ADGRA2: variants seen among roughly 807,000 people sequenced by gnomAD.
ADGRA2 encodes the protein adhesion G protein-coupled receptor A2.
In ADGRA2, 61 loss-of-function variants were observed where a neutral mutation model predicts 98.7. The observed-to-expected ratio is 0.62, with a 90% CI of 0.50 to 0.76. The LOEUF (loss-of-function observed/expected upper bound fraction) is 0.76, where lower values mean the gene tolerates loss of function less well. Ranked by LOEUF, ADGRA2 falls within the 30% of genes least tolerant of loss-of-function variation. ADGRA2 has a pLI of 0.00. For missense variants in ADGRA2, 1,712 were observed against 1,860.0 expected (o/e 0.92, Z 1.46); for synonymous variants, 858 against 831.5 (o/e 1.03, Z -0.55).
chr8:37,840,414 T>A (rs1585409258), intron 17 of ADGRA2, 148 bp downstream of exon 17: 1 of 840,658 alleles, frequency 1.2e-6, no homozygotes, highest in African/African-American at 1.7e-5. Flanking sequence ...ACTCAGCAGG[T>A]CACACAAGAC....
chr8:37,827,544 C>T (rs963811142), intron 2 of ADGRA2, among the ~76,000 whole-genome samples: 3 of 152,236 alleles, frequency 2.0e-5, no homozygotes, highest in Non-Finnish European at 2.9e-5. Context: ...ACTTACCTGC[C>T]GCTCACTCCT....
intron 2 of ADGRA2, among the ~76,000 whole-genome samples, chr8:37,815,299 A>C (rs568753735): frequency 6.6e-6 from 1 of 152,320 alleles, no homozygotes; most frequent in East Asian, 1.9e-4. Flanking sequence ...CTGGGGGCCC[A>C]GCATAAAAGG....
intron 14 of ADGRA2, among the ~76,000 whole-genome samples, chr8:37,838,566 T>A (rs1377661109): frequency 6.6e-6 from 1 of 152,050 alleles, no homozygotes; most frequent in Non-Finnish European, 1.5e-5. Flanking sequence ...ACTAGATTCT[T>A]ACAAAGAAGA....
intron 2 of ADGRA2, among the ~76,000 whole-genome samples, chr8:37,822,245 C>T (rs916003460): frequency 2.0e-5 from 3 of 152,170 alleles, no homozygotes; most frequent in African/African-American, 7.2e-5. Context: ...TTCTAGTGAA[C>T]CCTGGAAGTC....
Position 37,839,034 on chromosome 8 carries a change from C to T in ADGRA2, c.2338C>T (p.Leu780=). 6.2e-7 allele frequency: 1 copy of T among 1,608,270 alleles called. No individual in the cohort carries two copies. The highest frequency in any genetic ancestry group is 1.3e-5 in the African/African-American group (1 of 74,996). Residue 780 remains leucine (L), a synonymous_variant, in exon 15 of 19, where the codon CTG becomes TTG. Transcript: ENST00000412232. ...HPVVYPCTAL[L]LLCLFATIIT... ...CGTGGTATACCCCTGCACGGCCTTGCTGCTGCTCTGCCTCTTCGCCACCAT... is the reference window on the plus strand; with the variant it reads ...CGTGGTATACCCCTGCACGGCCTTGTTGCTGCTCTGCCTCTTCGCCACCAT...
At chr8:37,805,998 T>C (rs910407747) in intron 1 of ADGRA2, among the ~76,000 whole-genome samples, 1 of 152,046 alleles carries the variant, frequency 6.6e-6, no homozygotes, top group African/African-American at 2.4e-5. Context: ...GAGACCTCCA[T>C]CACCACCTAC....
In ADGRA2 at chr8:37,829,952, C is replaced by T. The variant is rs368184891; in HGVS notation, c.656C>T (p.Ala219Val). 2.7e-5 allele frequency: 43 copies of T among 1,609,786 alleles called. No individual in the cohort carries two copies. Among genetic ancestry groups the T allele is most frequent in the South Asian group, 6.6e-5 (6 of 90,988 alleles). The change falls in exon 6 of 19, where the codon GCT (alanine) becomes GTT (valine). Residue 219 changes from alanine (A) to valine (V), a missense_variant. Ala to Val is a moderately conservative substitution (Grantham distance 64, BLOSUM62 0). Coordinates refer to ENST00000412232, the MANE Select transcript of ADGRA2 (RefSeq NM_032777.10). ...SLQLSEHTLC[A>V]YPSALHAQAL... ...CAGCTGTCGGAACACACGCTCTGTG[C>T]TTACCCCAGTGCCCTGCATGCTCAG...
In ADGRA2 at chr8:37,831,576, C is replaced by G. The variant is rs745729885; in HGVS notation, c.1086C>G (p.Arg362=). Residue 362 remains arginine (R), a synonymous_variant, in exon 8 of 19, where the codon CGC becomes CGG. Transcript: ENST00000412232. ...CCGCCGAGCGTGTTGCCAACAACCG[C>G]GGGGACTTCAGGTTTGGCCCACTCC... is the stretch of plus-strand genomic sequence containing the variant. ...YCPAERVANN[R]GDFRWPRTLA... 6.2e-7 allele frequency: 1 copy of G among 1,613,698 alleles called. No individual in the cohort carries two copies.
At chr8:37,840,908 C>G in intron 18 of ADGRA2, 59 bp downstream of exon 18, 2 of 1,030,094 alleles carry the variant, frequency 1.9e-6, no homozygotes, top group South Asian at 2.6e-5. Context: ...GCCTTCCACT[C>G]CACTGGCAGG....
intron 8 of ADGRA2, among the ~76,000 whole-genome samples, chr8:37,832,461 C>T (rs1247640631): frequency 6.6e-6 from 1 of 152,084 alleles, no homozygotes; most frequent in Non-Finnish European, 1.5e-5. Context: ...CTCCGCCTCC[C>T]AAGGAGCTGG....
At chr8:37,816,819 G>A (rs1804994008) in intron 2 of ADGRA2, among the ~76,000 whole-genome samples, 1 of 152,038 alleles carries the variant, frequency 6.6e-6, no homozygotes, top group African/African-American at 2.4e-5. Flanking sequence ...AGGAGGCTGA[G>A]GCAGGAGGAT....
At chr8:37,808,543 G>A (rs991607884) in intron 1 of ADGRA2, among the ~76,000 whole-genome samples, 2 of 150,668 alleles carry the variant, frequency 1.3e-5, no homozygotes, top group Non-Finnish European at 2.9e-5. Flanking sequence ...ACATTTTTCT[G>A]CCCATTGGAT....
intron 2 of ADGRA2, among the ~76,000 whole-genome samples, chr8:37,817,671 C>A (rs1420354978): frequency 6.6e-6 from 1 of 151,388 alleles, no homozygotes; most frequent in Non-Finnish European, 1.5e-5. Flanking sequence ...TGTGCCACTG[C>A]ACTCCAGCTT....
At position 37,841,449 on chromosome 8, in the gene ADGRA2, T is replaced by C. The variant is rs1247125445; in HGVS notation, c.3111T>C (p.Ala1037=). Residue 1037 remains alanine, a synonymous_variant, in exon 19 of 19, where the codon GCT becomes GCC. Transcript: ENST00000412232. The surrounding 1 kb of genome is among the most constrained non-coding windows in gnomAD (Gnocchi z 5.0). ...ACTTGGCCATGTGGGCCTGCGGGGC[T>C]CTGGCAGTGTCCCAGCGCTGGCTGC... is the stretch of plus-strand genomic sequence containing the variant. The part of the protein sequence containing the change: ...FLYLAMWACG[A]LAVSQRWLPR... 6.2e-7 allele frequency: 1 copy of C among 1,613,004 alleles called. No individual in the cohort carries two copies. Among genetic ancestry groups the C allele is most frequent in the East Asian group, 2.2e-5 (1 of 44,856 alleles).
chr8:37,841,910 G>A lies in ADGRA2; in HGVS notation c.3572G>A (p.Arg1191His), dbSNP rs938839761. 3.3e-6 allele frequency: 5 copies of A among 1,528,134 alleles called. No individual in the cohort carries two copies. In the South Asian group the frequency reaches 4.8e-5, roughly 15 times the overall value. The allele number at this position is 1,528,134 out of a possible 1,614,324, so 94.7% of individuals were successfully genotyped here. ...RAHKSRAKGH[R>H]AGEACGKNRL... Reference sequence around the variant, plus strand: ...CACAAGAGCCGGGCCAAGGGACACCGCGCGGGGGAGGCCTGCGGCAAGAAC... The same window carrying A: ...CACAAGAGCCGGGCCAAGGGACACCACGCGGGGGAGGCCTGCGGCAAGAAC... Residue 1191 changes from arginine (R) to histidine (H), a missense_variant, in exon 19 of 19, where the codon CGC (arginine) becomes CAC (histidine). Physicochemically the swap from Arg to His is conservative, Grantham distance 29 (BLOSUM62 0). Transcript: ENST00000412232. The surrounding 1 kb of genome is among the most constrained non-coding windows in gnomAD (Gnocchi z 5.0).
At chr8:37,836,776 A>G (rs1430664820) in intron 13 of ADGRA2, among the ~76,000 whole-genome samples, 1 of 152,036 alleles carries the variant, frequency 6.6e-6, no homozygotes, top group Non-Finnish European at 1.5e-5. Context: ...GCCTCCCTCC[A>G]TGAGCCCTCT....
chr8:37,841,588 T>G lies in ADGRA2; in HGVS notation c.3250T>G (p.Cys1084Gly), dbSNP rs199842189. The G allele has an allele frequency of 6.4e-7, 1 of 1,566,908 alleles. No homozygotes were observed. Among genetic ancestry groups the G allele is most frequent in the East Asian group, 2.3e-5 (1 of 42,988 alleles). The change falls in exon 19 of 19, where the codon TGC (cysteine) becomes GGC (glycine). Residue 1084 changes from cysteine (C) to glycine (G), a missense_variant. Transcript: ENST00000412232. This position sits in a 1 kb window ranked among gnomAD's most constrained non-coding sequence, Gnocchi z 5.0. ...RDVRASWRAC[C>G]PPASPAAPHA... The stretch of plus-strand genomic sequence containing the variant: ...CGTGAGAGCCTCGTGGCGCGCCTGC[T>G]GCCCCCCTGCCTCTCCCGCGGCCCC...
At chr8:37,829,621 TGTATAA>T (rs1248445051) in intron 5 of ADGRA2, 62 bp downstream of exon 5, 1 of 1,230,592 alleles carries the variant, frequency 8.1e-7, no homozygotes, top group Non-Finnish European at 1.2e-6. Context: ...CCAGGAGAGA[TGTATAA>T]GTATCATGAC....
At chr8:37,840,036 C>G in intron 16 of ADGRA2, 85 bp from the exon 17 acceptor site, 1 of 1,303,656 alleles carries the variant, frequency 7.7e-7, no homozygotes, top group Non-Finnish European at 1.0e-6. Context: ...GGCTGGAAGC[C>G]TGGGAGGACA....
Sources: gnomAD v4.1 joint callset for allele counts (sites outside exome capture counted in the v4.1 genomes callset) on GRCh38, gnomAD v4.1.1 for gene constraint, Gnocchi (gnomAD v3.1) non-coding constraint, MANE v1.5 for transcripts, NCBI Gene and HGNC (gene_info 2026-07-23, HGNC 2026-07-21) for gene names.